MAPK10: variants seen among roughly 807,000 people sequenced by gnomAD.
MAPK10 encodes the protein mitogen-activated protein kinase 10, also known as JNK3 alpha protein kinase.
A neutral mutation model predicts 59.3 loss-of-function variants in MAPK10; 25 were observed. That is an observed-to-expected ratio of 0.42 (90% CI 0.31 to 0.59). The LOEUF is 0.59. Among genes scored for constraint, MAPK10 ranks in the 20% least tolerant of loss-of-function variants. MAPK10 has a pLI of 0.15. For missense variants in MAPK10, 351 were observed against 568.9 expected (o/e 0.62, Z 3.90); for synonymous variants, 190 against 200.5 (o/e 0.95, Z 0.44).
intron 11 of MAPK10, among the ~76,000 whole-genome samples, chr4:86,063,826 A>G (rs973540197): frequency 6.6e-6 from 1 of 152,144 alleles, no homozygotes; most frequent in African/African-American, 2.4e-5. Flanking sequence ...CGTTTTAATC[A>G]TCTTATAAAA....
At chr4:86,165,446 T>C (rs747158171) in intron 3 of MAPK10, among the ~76,000 whole-genome samples, 1 of 151,488 alleles carries the variant, frequency 6.6e-6, no homozygotes, top group South Asian at 2.1e-4. Context: ...GGCACAATCA[T>C]GGTTTGCTGC....
At chr4:86,206,922 G>A (rs964213131) in intron 2 of MAPK10, among the ~76,000 whole-genome samples, 4 of 152,112 alleles carry the variant, frequency 2.6e-5, no homozygotes, top group Non-Finnish European at 5.9e-5. Flanking sequence ...ATTTGTTGGA[G>A]TTCATTGTAG....
intron 1 of MAPK10, among the ~76,000 whole-genome samples, chr4:86,427,552 G>C (rs546523509): frequency 1.3e-5 from 2 of 152,112 alleles, no homozygotes; most frequent in East Asian, 3.9e-4. Flanking sequence ...TCCCACATCA[G>C]GTGCCCAATG....
chr4:86,307,008 A>T (rs1218234970), intron 2 of MAPK10, among the ~76,000 whole-genome samples: 1 of 152,186 alleles, frequency 6.6e-6, no homozygotes, highest in African/African-American at 2.4e-5. Flanking sequence ...GCAGTCATTC[A>T]AATTGTAAAC....
At chr4:86,498,546 G>C (rs1174614283) in intron 1 of MAPK10, among the ~76,000 whole-genome samples, 1 of 152,130 alleles carries the variant, frequency 6.6e-6, no homozygotes, top group Non-Finnish European at 1.5e-5. Flanking sequence ...AAACAAAGGA[G>C]ACTAGGATCA....
intron 1 of MAPK10, among the ~76,000 whole-genome samples, chr4:86,414,684 A>G (rs1246110504): frequency 6.6e-6 from 1 of 152,138 alleles, no homozygotes; most frequent in Non-Finnish European, 1.5e-5. Flanking sequence ...CTGTGATGCA[A>G]GCTAATACTT....
intron 1 of MAPK10, among the ~76,000 whole-genome samples, chr4:86,434,280 A>G (rs1392671362): frequency 6.6e-6 from 1 of 152,208 alleles, no homozygotes; most frequent in Non-Finnish European, 1.5e-5. Context: ...GAGCAACCAA[A>G]GTAAAAATGG....
At chr4:86,076,969 G>A (rs2049624419) in intron 9 of MAPK10, among the ~76,000 whole-genome samples, 2 of 152,048 alleles carry the variant, frequency 1.3e-5, no homozygotes, top group Admixed American at 1.3e-4. Context: ...TATTTTTGAT[G>A]TGCTGTTTCA....
At chr4:86,281,445 G>A (rs2094799082) in intron 2 of MAPK10, among the ~76,000 whole-genome samples, 1 of 151,848 alleles carries the variant, frequency 6.6e-6, no homozygotes, top group African/African-American at 2.4e-5. Flanking sequence ...AGGTTGCAGT[G>A]AGCCAAGATC....
intron 4 of MAPK10, among the ~76,000 whole-genome samples, chr4:86,157,358 A>C (rs2068119955): frequency 6.6e-6 from 1 of 151,996 alleles, no homozygotes; most frequent in African/African-American, 2.4e-5. Flanking sequence ...CACATGGACA[A>C]AAATGATGAT....
intron 1 of MAPK10, among the ~76,000 whole-genome samples, chr4:86,572,559 C>T (rs1424487525): frequency 6.6e-6 from 1 of 152,068 alleles, no homozygotes; most frequent in Non-Finnish European, 1.5e-5. Flanking sequence ...ATTTCATAGT[C>T]CAGTGTTCCA....
intron 1 of MAPK10, among the ~76,000 whole-genome samples, chr4:86,579,216 A>G (rs949079427): frequency 2.0e-5 from 3 of 152,160 alleles, no homozygotes; most frequent in African/African-American, 7.2e-5. Flanking sequence ...AGCCTCAGAG[A>G]AAACAGAAGC....
At chr4:86,419,387 C>T (rs1450103229) in intron 1 of MAPK10, among the ~76,000 whole-genome samples, 1 of 152,062 alleles carries the variant, frequency 6.6e-6, no homozygotes, top group Non-Finnish European at 1.5e-5. Flanking sequence ...AACAATTTAT[C>T]TCTATGGCAT....
At chr4:86,305,968 G>C (rs922208247) in intron 2 of MAPK10, among the ~76,000 whole-genome samples, 6 of 152,084 alleles carry the variant, frequency 3.9e-5, no homozygotes, top group Admixed American at 1.3e-4. Flanking sequence ...GGCAAATAAA[G>C]AAATAGATAA....
intron 2 of MAPK10, among the ~76,000 whole-genome samples, chr4:86,252,202 T>G (rs1583522680): frequency 7.9e-6 from 1 of 126,062 alleles, no homozygotes; most frequent in Admixed American, 7.3e-5. Context: ...CAATTTTGGC[T>G]TTGGTTGCCA....
At chr4:86,033,729 G>A (rs753631326) in intron 11 of MAPK10, among the ~76,000 whole-genome samples, 11 of 152,146 alleles carry the variant, frequency 7.2e-5, no homozygotes, top group Non-Finnish European at 1.2e-4. Context: ...TTTGTTCGAC[G>A]GCCTCTGCAA....
chr4:86,257,079 C>T (rs895924833), intron 2 of MAPK10, among the ~76,000 whole-genome samples: 1 of 152,124 alleles, frequency 6.6e-6, no homozygotes, highest in South Asian at 2.1e-4. Flanking sequence ...ATTCCTCTGT[C>T]TTTCCTTCAA....
intron 11 of MAPK10, among the ~76,000 whole-genome samples, chr4:86,058,842 G>A (rs2045157956): frequency 1.3e-5 from 2 of 152,070 alleles, no homozygotes; most frequent in Admixed American, 1.3e-4. Flanking sequence ...CCCAGATCAA[G>A]CTCTGGAACC....
chr4:86,487,591 C>T (rs1405214884), intron 1 of MAPK10, among the ~76,000 whole-genome samples: 1 of 151,846 alleles, frequency 6.6e-6, no homozygotes, highest in Non-Finnish European at 1.5e-5. Context: ...ATTAGCCAGG[C>T]ATGGTGGCAG....
Sources: gnomAD v4.1 joint callset for allele counts (sites outside exome capture counted in the v4.1 genomes callset) on GRCh38, gnomAD v4.1.1 for gene constraint, MANE v1.5 for transcripts, NCBI Gene and HGNC (gene_info 2026-07-23, HGNC 2026-07-21) for gene names.